Variants in ATG7 observed in about 807,000 individuals in gnomAD.
The protein encoded by ATG7 is ubiquitin-like modifier-activating enzyme ATG7.
A neutral mutation model predicts 82.4 loss-of-function variants in ATG7; 70 were observed. The ratio of observed to expected loss-of-function variants is 0.85; its 90% CI spans 0.70 to 1.04. ATG7 has a LOEUF of 1.04. Among genes scored for constraint, ATG7 ranks in the 50% least tolerant of loss-of-function variants. The probability of loss-of-function intolerance (pLI) is 0.00; values close to 1 mark genes in which losing one functional copy is unlikely to be tolerated. For synonymous variants in ATG7, 287 were observed against 313.0 expected, an observed-to-expected ratio of 0.92 and a Z score of 0.88; for missense variants, 792 against 864.3, an observed-to-expected ratio of 0.92 and a Z score of 1.05.
chr3:11,309,458 T>TG (rs972673685), intron 7 of ATG7, among the ~76,000 whole-genome samples: 5 of 150,038 alleles, frequency 3.3e-5, no homozygotes, highest in African/African-American at 1.0e-4. Context: ...TTGATTTTTT[T>TG]TTTTTGTTTT....
intron 20 of ATG7, among the ~76,000 whole-genome samples, chr3:11,459,186 A>AAC (rs2086064123): frequency 6.6e-6 from 1 of 151,368 alleles, no homozygotes; most frequent in Admixed American, 6.6e-5. Context: ...AAAAAAAAAA[A>AAC]AAACAGCAAA....
intron 20 of ATG7, among the ~76,000 whole-genome samples, chr3:11,478,352 C>T (rs372879728): frequency 6.6e-6 from 1 of 152,128 alleles, no homozygotes; most frequent in African/African-American, 2.4e-5. Context: ...AAATGATTGC[C>T]TAATCTTACC....
the ATG7 span, among the ~76,000 whole-genome samples, chr3:11,573,245 G>GAGAAAGAA: frequency 1.8e-4 from 14 of 78,764 alleles, no homozygotes; most frequent in East Asian, 3.8e-4. Context: ...AAAAGAAATA[G>GAGAAAGAA]AGAAAGAAAG....
At chr3:11,481,684 G>A (rs1031185090) in intron 20 of ATG7, among the ~76,000 whole-genome samples, 7 of 152,194 alleles carry the variant, frequency 4.6e-5, no homozygotes, top group Admixed American at 2.6e-4. Context: ...CAAGAATGAC[G>A]AGAGCTTTGT....
intron 2 of ATG7, among the ~76,000 whole-genome samples, chr3:11,281,943 T>G (rs1458789869): frequency 1.3e-5 from 2 of 152,186 alleles, no homozygotes; most frequent in African/African-American, 4.8e-5. Context: ...GAAGCAAGCC[T>G]TCATAACTCA....
At position 11,476,043 on chromosome 3, in the gene ATG7, G is replaced by A. The variant is rs780244587; in HGVS notation, c.2079+49117G>A. On this transcript the variant is annotated intron_variant, in intron 20 of 20. Coordinates refer to ENST00000693202, the MANE Select transcript of ATG7 (RefSeq NM_001349232.2). ...AGGCTCTAGGGGTCTTTTCATAGCC[G>A]CAAGGCATCATCACAGCTTCCCAAG... Among the ~76,000 whole-genome samples, 8 of 152,126 alleles carry A rather than the reference G, an allele frequency of 5.3e-5. No homozygotes were observed. The South Asian group carries it at 1.0e-3, about 20-fold the overall frequency.
chr3:11,310,566 A>ATTT (rs1559369690), intron 7 of ATG7, among the ~76,000 whole-genome samples: 1 of 151,358 alleles, frequency 6.6e-6, no homozygotes, highest in East Asian at 1.9e-4. Context: ...AAATGTTTAA[A>ATTT]TTTTTTGTCT....
chr3:11,305,722 T>C (rs186662023), intron 5 of ATG7, among the ~76,000 whole-genome samples: 70 of 152,300 alleles, frequency 4.6e-4, no homozygotes, highest in Admixed American at 1.2e-3. Flanking sequence ...GTTCTGGCCA[T>C]TGAAAGCTAG....
At chr3:11,520,854 C>T (rs1385607467) in intron 20 of ATG7, among the ~76,000 whole-genome samples, 1 of 152,218 alleles carries the variant, frequency 6.6e-6, no homozygotes, top group Non-Finnish European at 1.5e-5. Flanking sequence ...CCACACCTCA[C>T]CCGCCAGCAT....
intron 20 of ATG7, among the ~76,000 whole-genome samples, chr3:11,448,069 C>T (rs1036653969): frequency 1.3e-5 from 2 of 152,190 alleles, no homozygotes; most frequent in African/African-American, 4.8e-5. Context: ...TTCCAGTCCC[C>T]AGATTTGTCC....
chr3:11,540,025 G>T (rs1483117671), intron 20 of ATG7, among the ~76,000 whole-genome samples: 1 of 152,260 alleles, frequency 6.6e-6, no homozygotes, highest in Non-Finnish European at 1.5e-5. Flanking sequence ...ATGAAGCTCT[G>T]ATGAGTGAGT....
intron 20 of ATG7, among the ~76,000 whole-genome samples, chr3:11,513,337 C>T (rs913496141): frequency 1.3e-5 from 2 of 152,188 alleles, no homozygotes; most frequent in African/African-American, 2.4e-5. Context: ...CAGGAGCCCA[C>T]GGGAGGCAGA....
chr3:11,559,850 G>A (rs146620963), downstream of ATG7, among the ~76,000 whole-genome samples: 49 of 152,244 alleles, frequency 3.2e-4, no homozygotes, highest in Non-Finnish European at 5.3e-4. Flanking sequence ...ACTGAGCCGC[G>A]GGTGTGCCTG....
chr3:11,439,069 CT>C (rs67206280), intron 20 of ATG7, among the ~76,000 whole-genome samples: 36 of 121,958 alleles, frequency 3.0e-4, no homozygotes, highest in Admixed American at 3.7e-4. Flanking sequence ...TTCTTTCTTT[CT>C]TTTTTTTTTT....
chr3:11,278,593 A>G (rs985130161), intron 1 of ATG7, among the ~76,000 whole-genome samples: 3 of 152,238 alleles, frequency 2.0e-5, no homozygotes, highest in African/African-American at 4.8e-5. Context: ...TAGAAAAACA[A>G]TGACGAATAG....
At chr3:11,507,353 T>C (rs2091791146) in intron 20 of ATG7, among the ~76,000 whole-genome samples, 2 of 152,222 alleles carry the variant, frequency 1.3e-5, no homozygotes, top group Non-Finnish European at 2.9e-5. Context: ...ATTAATTATG[T>C]TGAAATACAA....
the ATG7 span, among the ~76,000 whole-genome samples, chr3:11,571,593 G>T: frequency 7.2e-5 from 11 of 152,228 alleles, no homozygotes; most frequent in African/African-American, 2.4e-4. Context: ...CTGGAGCCCA[G>T]TAAGTTAAGG....
chr3:11,313,886 C>T (rs986708912), intron 8 of ATG7, among the ~76,000 whole-genome samples: 1 of 152,166 alleles, frequency 6.6e-6, no homozygotes, highest in African/African-American at 2.4e-5. Flanking sequence ...AGGCATGAGC[C>T]ACCCTGCCTG....
At chr3:11,497,001 A>T (rs190537070) in intron 20 of ATG7, among the ~76,000 whole-genome samples, 6 of 151,654 alleles carry the variant, frequency 4.0e-5, no homozygotes, top group Admixed American at 3.9e-4. Context: ...ACAGGCGTGC[A>T]CCACCATGCC....
Sources: gnomAD v4.1 joint callset for allele counts (sites outside exome capture counted in the v4.1 genomes callset) on GRCh38, gnomAD v4.1.1 for gene constraint, MANE v1.5 for transcripts, NCBI Gene and HGNC (gene_info 2026-07-23, HGNC 2026-07-21) for gene names.